ANGPT1: variants seen among roughly 807,000 people sequenced by gnomAD.
ANGPT1 encodes angiopoietin-1.
Under a neutral mutation model 62.2 loss-of-function variants are expected in ANGPT1, and 17 were observed. That is an observed-to-expected ratio of 0.27 (90% CI 0.19 to 0.41). The LOEUF (loss-of-function observed/expected upper bound fraction) is 0.41. ANGPT1 is among the 10% of genes least tolerant of loss of function. ANGPT1 has a pLI of 1.00. For missense variants in ANGPT1, 478 were observed against 594.9 expected (o/e 0.80, Z 2.04); for synonymous variants, 199 against 198.9 (o/e 1.00, Z 0.00).
At chr8:107,279,776 G>T (rs997034417) in intron 7 of ANGPT1, among the ~76,000 whole-genome samples, 1 of 151,958 alleles carries the variant, frequency 6.6e-6, no homozygotes, top group Admixed American at 6.6e-5. Context: ...AAGGAAGGGG[G>T]GGGGAGAGAG....
intron 8 of ANGPT1, among the ~76,000 whole-genome samples, chr8:107,259,387 T>G (rs1001771609): frequency 6.6e-6 from 1 of 152,138 alleles, no homozygotes; most frequent in African/African-American, 2.4e-5. Context: ...AACTGTCTGC[T>G]GTTAGCATCT....
chr8:107,382,098 T>C (rs1042274597), intron 1 of ANGPT1, among the ~76,000 whole-genome samples: 1 of 152,184 alleles, frequency 6.6e-6, no homozygotes, highest in Non-Finnish European at 1.5e-5. Context: ...GGTCACCTGC[T>C]ACTTTTAATG....
intron 1 of ANGPT1, among the ~76,000 whole-genome samples, chr8:107,468,498 T>C (rs564250917): frequency 2.0e-5 from 3 of 152,256 alleles, no homozygotes; most frequent in South Asian, 4.1e-4. Flanking sequence ...ACATTTCATT[T>C]GGATTTCTTA....
intron 3 of ANGPT1, among the ~76,000 whole-genome samples, chr8:107,326,893 C>A (rs1039620975): frequency 6.6e-6 from 1 of 152,116 alleles, no homozygotes; most frequent in South Asian, 2.1e-4. Flanking sequence ...GACTGGAAAT[C>A]TACTCAAGAC....
intron 1 of ANGPT1, among the ~76,000 whole-genome samples, chr8:107,401,650 T>G (rs1166241026): frequency 1.3e-5 from 2 of 152,246 alleles, no homozygotes; most frequent in Non-Finnish European, 2.9e-5. Context: ...AAACTTCCAT[T>G]AAGTTCAACT....
chr8:107,320,843 C>T (rs1448594424), intron 4 of ANGPT1, among the ~76,000 whole-genome samples: 1 of 152,002 alleles, frequency 6.6e-6, no homozygotes, highest in Admixed American at 6.6e-5. Context: ...TAGATGAAAG[C>T]ATGAAATTGA....
chr8:107,419,307 T>A (rs1810837335), intron 1 of ANGPT1, among the ~76,000 whole-genome samples: 1 of 152,170 alleles, frequency 6.6e-6, no homozygotes, highest in Non-Finnish European at 1.5e-5. Flanking sequence ...ACCCTTTCTC[T>A]GAAGTAGGTC....
chr8:107,443,624 C>T (rs1166050209), intron 1 of ANGPT1, among the ~76,000 whole-genome samples: 1 of 147,074 alleles, frequency 6.8e-6, no homozygotes, highest in Non-Finnish European at 1.5e-5. Flanking sequence ...GCCTGACCAA[C>T]ATGGAGAAAT....
intron 7 of ANGPT1, among the ~76,000 whole-genome samples, chr8:107,276,734 C>T (rs939962779): frequency 6.6e-6 from 1 of 152,128 alleles, no homozygotes; most frequent in African/African-American, 2.4e-5. Context: ...TGTCCAAGGT[C>T]ATTCAGAAAA....
intron 1 of ANGPT1, among the ~76,000 whole-genome samples, chr8:107,476,810 A>G (rs1812544004): frequency 6.6e-6 from 1 of 152,156 alleles, no homozygotes. Flanking sequence ...TGATGACCCC[A>G]GTTCTAAAAT....
intron 1 of ANGPT1, among the ~76,000 whole-genome samples, chr8:107,474,190 A>G (rs1414902098): frequency 2.9e-5 from 4 of 139,294 alleles, no homozygotes; most frequent in Non-Finnish European, 6.2e-5. Context: ...AATCCTCAAT[A>G]AAATACTGGC....
At chr8:107,343,761 AC>A (rs1263542473) in intron 2 of ANGPT1, among the ~76,000 whole-genome samples, 1 of 152,202 alleles carries the variant, frequency 6.6e-6, no homozygotes, top group Non-Finnish European at 1.5e-5. Context: ...AAAACATCTT[AC>A]ATCAAGGAAG....
rs112332260 is a variant in ANGPT1, at chr8:107,408,332, G to T, written c.298-61235C>A. 1.9e-3 allele frequency among the ~76,000 whole-genome samples: 282 copies of T among 152,258 alleles called. 1 individual carries two copies. Among genetic ancestry groups the T allele is most frequent in the African/African-American group, 6.3e-3 (260 of 41,554 alleles). On this transcript the variant is annotated intron_variant, in intron 1 of 8. Coordinates refer to ENST00000517746, the MANE Select transcript of ANGPT1 (RefSeq NM_001146.5). ...TATTTGATGTTCAAGAAGGCTCTTT[G>T]GTTATTGTTAGAAAGCAGAAATCAT...
chr8:107,265,199 A>G (rs1813584466), intron 7 of ANGPT1, among the ~76,000 whole-genome samples: 1 of 152,122 alleles, frequency 6.6e-6, no homozygotes, highest in Admixed American at 6.5e-5. Context: ...CATATAACAA[A>G]TCATCTGATC....
At chr8:107,288,388 G>A (rs370330219) in intron 6 of ANGPT1, among the ~76,000 whole-genome samples, 48 of 152,078 alleles carry the variant, frequency 3.2e-4, no homozygotes, top group African/African-American at 6.5e-4. Context: ...CATATCTCAC[G>A]AGTTTTAGGA....
intron 1 of ANGPT1, among the ~76,000 whole-genome samples, chr8:107,354,035 C>T (rs1288859149): frequency 6.6e-6 from 1 of 152,100 alleles, no homozygotes; most frequent in Admixed American, 6.6e-5. Context: ...AATTCTCCTG[C>T]CATTGCTTTT....
At chr8:107,407,882 C>T (rs1174910037) in intron 1 of ANGPT1, among the ~76,000 whole-genome samples, 1 of 152,082 alleles carries the variant, frequency 6.6e-6, no homozygotes, top group African/African-American at 2.4e-5. Context: ...AAGAGATGAC[C>T]ACAATGAGGA....
chr8:107,363,886 T>C (rs968007963), intron 1 of ANGPT1, among the ~76,000 whole-genome samples: 2 of 152,152 alleles, frequency 1.3e-5, no homozygotes, highest in South Asian at 2.1e-4. Context: ...TATAATAATA[T>C]CTACATCAAA....
At chr8:107,371,881 T>A (rs1046630378) in intron 1 of ANGPT1, among the ~76,000 whole-genome samples, 2 of 152,176 alleles carry the variant, frequency 1.3e-5, no homozygotes, top group African/African-American at 4.8e-5. Flanking sequence ...AACTTATTGC[T>A]CTTCTGGCTG....
Sources: allele counts gnomAD v4.1 joint callset (sites outside exome capture counted in the v4.1 genomes callset), GRCh38; gene constraint gnomAD v4.1.1; transcripts MANE v1.5; gene names NCBI Gene and HGNC (gene_info 2026-07-23, HGNC 2026-07-21).